SLC41A3: variants seen among roughly 807,000 people sequenced by gnomAD.
The protein encoded by SLC41A3 is SLC41A1-like 2.
A neutral mutation model predicts 45.4 loss-of-function variants in SLC41A3; 44 were observed. The ratio of observed to expected loss-of-function variants is 0.97; its 90% CI spans 0.76 to 1.25. SLC41A3 has a LOEUF of 1.25. Among genes scored for constraint, SLC41A3 ranks in the 50% most tolerant of loss-of-function variants. The probability of loss-of-function intolerance (pLI) is 0.00; values close to 1 mark genes in which losing one functional copy is unlikely to be tolerated. For synonymous variants in SLC41A3, 256 were observed against 252.4 expected, an observed-to-expected ratio of 1.01 and a Z score of -0.13; for missense variants, 550 against 600.6, an observed-to-expected ratio of 0.92 and a Z score of 0.88.
chr3:126,033,962 C>T (rs536280021), intron 3 of SLC41A3, among the ~76,000 whole-genome samples: 26 of 151,966 alleles, frequency 1.7e-4, no homozygotes, highest in African/African-American at 4.8e-4. Flanking sequence ...ACACACACAG[C>T]GGTACACACA....
At chr3:126,078,620 T>A (rs191127303) in intron 1 of SLC41A3, among the ~76,000 whole-genome samples, 1 of 152,326 alleles carries the variant, frequency 6.6e-6, no homozygotes, top group East Asian at 1.9e-4. Flanking sequence ...CTATGCAGTA[T>A]GCCTTTACCT....
chr3:126,020,087 G>A (rs1940698439), intron 6 of SLC41A3, among the ~76,000 whole-genome samples: 1 of 152,084 alleles, frequency 6.6e-6, no homozygotes, highest in South Asian at 2.1e-4. Flanking sequence ...TGCAAGTCTG[G>A]ACAATTAGCA....
intron 3 of SLC41A3, among the ~76,000 whole-genome samples, chr3:126,050,443 T>TG (rs1943253932): frequency 6.6e-6 from 1 of 152,160 alleles, no homozygotes; most frequent in African/African-American, 2.4e-5. Context: ...CTAGGAACTG[T>TG]GTTGGTTCAA....
At chr3:126,086,063 CA>C (rs1376011494), upstream of SLC41A3, among the ~76,000 whole-genome samples, 1 of 151,510 alleles carries the variant, frequency 6.6e-6, no homozygotes, top group African/African-American at 2.4e-5. Context: ...ATCCACCACA[CA>C]AAAACCCTAG....
At chr3:126,056,313 T>A in intron 2 of SLC41A3, 1 of 1,588,546 alleles carries the variant, frequency 6.3e-7, no homozygotes, top group Non-Finnish European at 8.6e-7. Flanking sequence ...GGAGACCCAG[T>A]CTGTGTGTCT....
Position 126,007,217 on chromosome 3 carries a change from G to C in SLC41A3, c.1263C>G (p.Ile421Met). The C allele has an allele frequency of 6.2e-7, 1 of 1,613,876 alleles. No homozygotes were observed. The highest frequency in any genetic ancestry group is 1.3e-5 in the African/African-American group (1 of 75,042). The stretch of plus-strand genomic sequence containing the variant: ...CCATCACTTCTGCGAGGTACAGCAG[G>C]ATTGTCACCTGTCAGAAGGGCAAAG... ...YLLAGLIQVTILLYLAEVMVR... is the reference protein window; with the variant it reads ...YLLAGLIQVTMLLYLAEVMVR... Residue 421 changes from isoleucine to methionine, a missense_variant, in exon 11 of 11, where the codon ATC becomes ATG. Physicochemically the swap from Ile to Met is conservative, Grantham distance 10 (BLOSUM62 1). Transcript: ENST00000360370.
At chr3:126,017,605 C>G (rs184406672) in intron 6 of SLC41A3, among the ~76,000 whole-genome samples, 4 of 152,330 alleles carry the variant, frequency 2.6e-5, no homozygotes, top group South Asian at 2.1e-4. Flanking sequence ...TGAGGGTCCC[C>G]CACAAGTGAC....
chr3:126,044,105 T>C (rs934226048), intron 3 of SLC41A3, among the ~76,000 whole-genome samples: 5 of 152,188 alleles, frequency 3.3e-5, no homozygotes, highest in African/African-American at 1.2e-4. Context: ...AAAGATGCTA[T>C]AAGATATTCC....
At chr3:126,023,855 T>C (rs1941123889) in intron 5 of SLC41A3, 1 of 152,236 alleles carries the variant, frequency 6.6e-6, no homozygotes, top group South Asian at 2.1e-4. Flanking sequence ...GTTGTGGCTA[T>C]TGGCATTTTA....
At chr3:126,076,490 A>G (rs1184362940) in intron 1 of SLC41A3, among the ~76,000 whole-genome samples, 1 of 152,210 alleles carries the variant, frequency 6.6e-6, no homozygotes, top group Non-Finnish European at 1.5e-5. Flanking sequence ...TCTTTGTGTG[A>G]ATATAAGTTT....
chr3:126,051,553 G>T (rs1311148863), intron 2 of SLC41A3, among the ~76,000 whole-genome samples: 2 of 152,172 alleles, frequency 1.3e-5, no homozygotes, highest in Non-Finnish European at 2.9e-5. Context: ...GGGGCTCAGG[G>T]TTTTTAAAAA....
chr3:126,052,281 T>C (rs879639105), intron 2 of SLC41A3, among the ~76,000 whole-genome samples: 3 of 152,038 alleles, frequency 2.0e-5, no homozygotes, highest in Non-Finnish European at 4.4e-5. Flanking sequence ...ACCCTCCACA[T>C]AGGGTGGGCC....
chr3:126,020,961 C>G (rs1259348013), intron 6 of SLC41A3, among the ~76,000 whole-genome samples: 1 of 151,138 alleles, frequency 6.6e-6, no homozygotes, highest in African/African-American at 2.4e-5. Flanking sequence ...GTGGCGCTAT[C>G]CCGGCTCACT....
chr3:126,067,455 T>G lies in SLC41A3; in HGVS notation c.273+492A>C, dbSNP rs76058273. ...ATGGGTGTCCTCTTAGGAAGAGGGA[T>G]TAGGACAGAGACATGCAGAGGAAAG... is the stretch of plus-strand genomic sequence containing the variant. On this transcript the variant is annotated intron_variant, in intron 2 of 10. Transcript: ENST00000360370. The G allele has an allele frequency of 1.5e-3, 428 of 285,230 alleles. 9 individuals carry two copies. Among genetic ancestry groups the G allele is most frequent in the East Asian group, 0.014 (131 of 9,048 alleles). The allele number at this position is 285,230 out of a possible 1,614,324, so 17.7% of individuals were successfully genotyped here.
At chr3:126,022,593 C>A (rs1019800568) in intron 6 of SLC41A3, among the ~76,000 whole-genome samples, 193 bp downstream of exon 6, 1 of 152,240 alleles carries the variant, frequency 6.6e-6, no homozygotes, top group Non-Finnish European at 1.5e-5. Context: ...TTAATTCAAT[C>A]ACCTTTTAAA....
rs1939644983 is a variant in SLC41A3 at position 126,010,971 on chromosome 3, G to A, written c.1105+1644C>T. On this transcript the variant is annotated intron_variant, in intron 9 of 10. Coordinates refer to ENST00000360370, the MANE Select transcript of SLC41A3 (RefSeq NM_017836.4). ...GCCAGCTAAGTAGAGATTCAAACAT[G>A]ATCCAAAGTCTTGTCCATAATACCC... is the stretch of plus-strand genomic sequence containing the variant. Among the ~76,000 whole-genome samples, 3 of 152,204 alleles carry A rather than the reference G, an allele frequency of 2.0e-5. No homozygotes were observed. In the South Asian group the frequency reaches 6.2e-4, roughly 32 times the overall value.
chr3:126,044,791 G>A (rs1942839811), intron 3 of SLC41A3, among the ~76,000 whole-genome samples: 1 of 150,310 alleles, frequency 6.7e-6, no homozygotes, highest in African/African-American at 2.5e-5. Flanking sequence ...AGCTACTCAG[G>A]AGGCTGAGGC....
intron 3 of SLC41A3, among the ~76,000 whole-genome samples, chr3:126,043,803 C>CA (rs200112216): frequency 0.047 from 4,030 of 85,930 alleles, 125 homozygotes; most frequent in African/African-American, 0.11. Context: ...CATATCACTG[C>CA]AAAAAAAAAC....
intron 3 of SLC41A3, among the ~76,000 whole-genome samples, chr3:126,043,749 A>G (rs6803056): frequency 0.054 from 8,155 of 151,562 alleles, 697 homozygotes; most frequent in African/African-American, 0.18. Context: ...CAAAGAAAAC[A>G]TTTATAAAAT....
Sources: allele counts gnomAD v4.1 joint callset (sites outside exome capture counted in the v4.1 genomes callset), GRCh38; gene constraint gnomAD v4.1.1; transcripts MANE v1.5; gene names NCBI Gene and HGNC (gene_info 2026-07-23, HGNC 2026-07-21).